Variants in SPHKAP observed in about 807,000 individuals in gnomAD.
The protein encoded by SPHKAP is SPHK1 interactor, AKAP domain containing, also known as A-kinase anchor protein SPHKAP.
A neutral mutation model predicts 137.5 loss-of-function variants in SPHKAP; 67 were observed. That is an observed-to-expected ratio of 0.49 (90% CI 0.40 to 0.60). The LOEUF is 0.60. SPHKAP is among the 20% of genes least tolerant of loss of function. The pLI, the probability that SPHKAP is intolerant of heterozygous loss-of-function variation, is 0.00. For missense variants in SPHKAP, 2,097 were observed against 2,069.3 expected, an observed-to-expected ratio of 1.01 and a Z score of -0.26; for synonymous variants, 813 against 785.3, an observed-to-expected ratio of 1.04 and a Z score of -0.59.
intron 1 of SPHKAP, among the ~76,000 whole-genome samples, chr2:228,170,578 G>T (rs574733115): frequency 1.3e-5 from 2 of 152,094 alleles, no homozygotes; most frequent in South Asian, 2.1e-4. Context: ...CCCACCACTA[G>T]CAAAAGATCA....
At chr2:228,174,955 A>C (rs896873445) in intron 1 of SPHKAP, among the ~76,000 whole-genome samples, 6 of 151,870 alleles carry the variant, frequency 4.0e-5, no homozygotes, top group African/African-American at 1.5e-4. Flanking sequence ...AGTAGAATGA[A>C]CTTAGCCAAG....
In SPHKAP at chr2:228,021,811, C is replaced by T. The variant is rs555883155; in HGVS notation, c.597G>A (p.Leu199=). The part of the protein sequence containing the change: ...QLHLETNILK[L]EDDTNCSLSS... ...ATAAGGAACAGTTCGTGTCATCCTC[C>T]AGTTTCAAGATGTTTGTTTCCAGGT... The change falls in exon 6 of 12, where the codon CTG becomes CTA. Residue 199 remains leucine (L), a synonymous_variant. Transcript: ENST00000392056. The T allele has an allele frequency of 2.5e-6, 4 of 1,614,142 alleles. No individual in the cohort carries two copies. In the South Asian group the frequency reaches 4.4e-5, roughly 18 times the overall value.
At chr2:227,984,834 T>G (rs1373183972) in intron 11 of SPHKAP, among the ~76,000 whole-genome samples, 1 of 152,170 alleles carries the variant, frequency 6.6e-6, no homozygotes, top group African/African-American at 2.4e-5. Context: ...GTATCCCCAG[T>G]AGTCTTGGTG....
At chr2:228,145,537 T>C (rs748001681) in intron 1 of SPHKAP, among the ~76,000 whole-genome samples, 6 of 152,160 alleles carry the variant, frequency 3.9e-5, no homozygotes, top group Non-Finnish European at 7.4e-5. Context: ...CATATTAGGA[T>C]TCAATGAATG....
intron 1 of SPHKAP, among the ~76,000 whole-genome samples, chr2:228,135,845 T>C (rs1294064218): frequency 6.6e-6 from 1 of 152,190 alleles, no homozygotes; most frequent in African/African-American, 2.4e-5. Flanking sequence ...TACACCCATA[T>C]TTAAAGCAAA....
chr2:228,169,700 G>T (rs1700527159), intron 1 of SPHKAP: 1 of 152,026 alleles, frequency 6.6e-6, no homozygotes, highest in Admixed American at 6.6e-5. Context: ...GGATCAAGGA[G>T]TAATTTCGAT....
At chr2:228,021,248 C>T (rs1694831776) in intron 6 of SPHKAP, among the ~76,000 whole-genome samples, 2 of 152,158 alleles carry the variant, frequency 1.3e-5, no homozygotes, top group South Asian at 4.1e-4. Context: ...ATCGTACTCC[C>T]AAATTAGACA....
chr2:228,179,289 T>C (rs1228730623), intron 1 of SPHKAP, among the ~76,000 whole-genome samples: 3 of 152,208 alleles, frequency 2.0e-5, no homozygotes, highest in African/African-American at 7.2e-5. Flanking sequence ...CTGATCATTG[T>C]TGGTTTCTTC....
intron 3 of SPHKAP, among the ~76,000 whole-genome samples, chr2:228,063,849 T>C (rs1172787936): frequency 2.0e-5 from 3 of 152,322 alleles, no homozygotes; most frequent in African/African-American, 7.2e-5. Flanking sequence ...ATTTCAGTGG[T>C]CCATTCATCC....
chr2:228,085,028 A>C (rs1697494576), intron 3 of SPHKAP, among the ~76,000 whole-genome samples: 1 of 152,222 alleles, frequency 6.6e-6, no homozygotes, highest in African/African-American at 2.4e-5. Context: ...AACAGCAGCG[A>C]TCTGCTGAGT....
At chr2:228,170,741 CA>C (rs1700561378) in intron 1 of SPHKAP, among the ~76,000 whole-genome samples, 1 of 151,822 alleles carries the variant, frequency 6.6e-6, no homozygotes, top group Admixed American at 6.6e-5. Flanking sequence ...CTTGGAAAAC[CA>C]AAAAAATTTT....
At chr2:228,065,557 A>G (rs1696797323) in intron 3 of SPHKAP, among the ~76,000 whole-genome samples, 1 of 152,236 alleles carries the variant, frequency 6.6e-6, no homozygotes, top group Non-Finnish European at 1.5e-5. Flanking sequence ...AATCTCTAAA[A>G]GAAGAAATGG....
At position 228,092,796 on chromosome 2, in the gene SPHKAP, G is replaced by A. The variant is rs113422914; in HGVS notation, c.246+16036C>T. The stretch of plus-strand genomic sequence containing the variant: ...ACTGGAGACCATTTTTTGAAGTGAA[G>A]TAACTTAGAAATGGAAAACCAAACA... On this transcript the variant is annotated intron_variant, in intron 3 of 11. Transcript: ENST00000392056. 3.9e-3 allele frequency among the ~76,000 whole-genome samples: 590 copies of A among 151,884 alleles called. 1 individual carries two copies. Among genetic ancestry groups the A allele is most frequent in the Non-Finnish European group, 7.3e-3 (495 of 67,938 alleles).
intron 3 of SPHKAP, among the ~76,000 whole-genome samples, chr2:228,035,304 C>T (rs1385175819): frequency 6.6e-6 from 1 of 151,264 alleles, no homozygotes; most frequent in East Asian, 1.9e-4. Context: ...GAATAAAATA[C>T]CTAGGAATCC....
At position 227,981,537 on chromosome 2, in the gene SPHKAP, A is replaced by T. The variant is rs1327922775; in HGVS notation, c.*180T>A. On this transcript the variant is annotated 3_prime_UTR_variant, in exon 12 of 12. Coordinates refer to ENST00000392056, the MANE Select transcript of SPHKAP (RefSeq NM_001142644.2). ...CCACAAGTTGTATGAATTTGGACAG[A>T]CCTATATTTTGCTTTTCCTCTGACT... The T allele has an allele frequency of 1.6e-6, 1 of 612,096 alleles. No homozygotes were observed. Among genetic ancestry groups the T allele is most frequent in the Non-Finnish European group, 2.6e-6 (1 of 387,124 alleles). 37.9% of individuals were successfully genotyped at this position (612,096 alleles called of 1,614,324 possible).
Position 228,181,660 on chromosome 2 carries a change from T to C in SPHKAP, c.-62A>G, listed in dbSNP as rs1700920882. ...CAGGCGAAGGATAAGTCTGTGGTGC[T>C]AGGACCCAGCTCCCAGAGTGCCAGA... On this transcript the variant is annotated 5_prime_UTR_variant, in exon 1 of 12. Coordinates refer to ENST00000392056, the MANE Select transcript of SPHKAP (RefSeq NM_001142644.2). This position sits in a 1 kb window ranked among gnomAD's most constrained non-coding sequence, Gnocchi z 4.3. 17 of 1,613,966 alleles carry C rather than the reference T, an allele frequency of 1.1e-5. No individual in the cohort carries two copies. The Admixed American group carries it at 2.8e-4, about 27-fold the overall frequency.
Position 228,019,054 on chromosome 2 carries a change from G to A in SPHKAP, c.1800C>T (p.Pro600=), listed in dbSNP as rs1229328646. 6.2e-7 allele frequency: 1 copy of A among 1,614,020 alleles called. No homozygotes were observed. Among genetic ancestry groups the A allele is most frequent in the East Asian group, 2.2e-5 (1 of 44,864 alleles). ...CCATGCTTGCTAAACCACAAAGTGG[G>A]GGCATGGCTTCAGAAGCCTCAGCTG... ...PPAAEASEAM[P]PLCGLASMEL... The change falls in exon 7 of 12, where the codon CCC becomes CCT. Residue 600 remains proline (P), a synonymous_variant. Transcript: ENST00000392056.
intron 11 of SPHKAP, among the ~76,000 whole-genome samples, chr2:227,988,045 A>G (rs777358249): frequency 9.9e-5 from 15 of 152,224 alleles, no homozygotes; most frequent in Non-Finnish European, 1.9e-4. Flanking sequence ...CACAGCCTCC[A>G]TGGAAGACGA....
In SPHKAP at chr2:228,171,616, G is replaced by C. The variant is rs566941626; in HGVS notation, c.32+9951C>G. 1.2e-3 allele frequency among the ~76,000 whole-genome samples: 185 copies of C among 152,274 alleles called. 1 individual carries two copies. The highest frequency in any genetic ancestry group is 4.3e-3 in the African/African-American group (177 of 41,570). On this transcript the variant is annotated intron_variant, in intron 1 of 11. Transcript: ENST00000392056. ...TGCGAGAGATCACAAGAAATGAAAAGTTAATTTCAGAGTGGAATGAGTATC... is the reference window on the plus strand; with the variant it reads ...TGCGAGAGATCACAAGAAATGAAAACTTAATTTCAGAGTGGAATGAGTATC...
Sources: gnomAD v4.1 joint callset for allele counts (sites outside exome capture counted in the v4.1 genomes callset) on GRCh38, gnomAD v4.1.1 for gene constraint, Gnocchi (gnomAD v3.1) non-coding constraint, MANE v1.5 for transcripts, NCBI Gene and HGNC (gene_info 2026-07-23, HGNC 2026-07-21) for gene names.